Variants in PLCB1 observed in about 807,000 individuals in gnomAD.
The protein encoded by PLCB1 is 1-phosphatidylinositol 4,5-bisphosphate phosphodiesterase beta-1.
PLCB1 carries 46 observed loss-of-function variants against 161.8 expected under a neutral mutation model. The observed-to-expected ratio is 0.28, with a 90% confidence interval of 0.22 to 0.36. The LOEUF (loss-of-function observed/expected upper bound fraction) is 0.36. Ranked by LOEUF, PLCB1 falls within the 10% of genes least tolerant of loss-of-function variation. The probability of loss-of-function intolerance (pLI) is 1.00; values close to 1 mark genes in which losing one functional copy is unlikely to be tolerated. For synonymous variants in PLCB1, 517 were observed against 503.7 expected, an observed-to-expected ratio of 1.03 and a Z score of -0.35; for missense variants, 1,016 against 1,472.5, an observed-to-expected ratio of 0.69 and a Z score of 5.07.
intron 14 of PLCB1, among the ~76,000 whole-genome samples, chr20:8,719,237 G>T (rs941101408): frequency 6.6e-6 from 1 of 152,120 alleles, no homozygotes; most frequent in African/African-American, 2.4e-5. Context: ...CAATCAATTG[G>T]AAAACTACTT....
chr20:8,307,703 C>T (rs990372306), intron 2 of PLCB1, among the ~76,000 whole-genome samples: 2 of 151,978 alleles, frequency 1.3e-5, no homozygotes, highest in Non-Finnish European at 1.5e-5. Context: ...GGTGGATCAC[C>T]TGAGGTCAGG....
At chr20:8,566,155 A>G (rs1986327241) in intron 3 of PLCB1, among the ~76,000 whole-genome samples, 1 of 152,202 alleles carries the variant, frequency 6.6e-6, no homozygotes, top group African/African-American at 2.4e-5. Context: ...GTGCAATTTT[A>G]CAAAGTATAT....
chr20:8,254,739 A>G (rs1297919309), intron 2 of PLCB1, among the ~76,000 whole-genome samples: 2 of 152,030 alleles, frequency 1.3e-5, no homozygotes, highest in East Asian at 1.9e-4. Flanking sequence ...TGCCTCTTCC[A>G]GAAGATCCCT....
intron 2 of PLCB1, among the ~76,000 whole-genome samples, chr20:8,160,515 A>G (rs1443021614): frequency 6.6e-6 from 1 of 152,240 alleles, no homozygotes; most frequent in Non-Finnish European, 1.5e-5. Flanking sequence ...GTGGAAGGTG[A>G]GAGGCACGTC....
At chr20:8,680,501 A>G (rs571053746) in intron 9 of PLCB1, among the ~76,000 whole-genome samples, 5 of 152,330 alleles carry the variant, frequency 3.3e-5, no homozygotes, top group South Asian at 4.1e-4. Flanking sequence ...TAATGTATCA[A>G]AAATCTTCAG....
chr20:8,516,884 T>C (rs1984151564), intron 3 of PLCB1, among the ~76,000 whole-genome samples: 1 of 151,884 alleles, frequency 6.6e-6, no homozygotes, highest in South Asian at 2.1e-4. Flanking sequence ...GCTGTGCAGC[T>C]AAGTACAACA....
intron 2 of PLCB1, among the ~76,000 whole-genome samples, chr20:8,204,139 AG>A (rs1978396744): frequency 6.6e-6 from 1 of 152,170 alleles, no homozygotes; most frequent in Non-Finnish European, 1.5e-5. Context: ...CTGTGGAAAG[AG>A]AGAGCTAAGA....
intron 2 of PLCB1, among the ~76,000 whole-genome samples, chr20:8,351,785 A>G (rs956342758): frequency 2.6e-5 from 4 of 152,082 alleles, no homozygotes; most frequent in African/African-American, 9.7e-5. Context: ...TGAAAACCCC[A>G]ATGAAATATA....
chr20:8,769,425 A>T (rs1203138213), intron 26 of PLCB1, among the ~76,000 whole-genome samples: 1 of 152,102 alleles, frequency 6.6e-6, no homozygotes, highest in Non-Finnish European at 1.5e-5. Context: ...AAGAAGTGAA[A>T]AAAAGCCTTT....
At chr20:8,165,166 A>G (rs1412877741) in intron 2 of PLCB1, among the ~76,000 whole-genome samples, 2 of 152,246 alleles carry the variant, frequency 1.3e-5, no homozygotes, top group African/African-American at 4.8e-5. Context: ...CATCATGAGG[A>G]AAGAACATGT....
intron 31 of PLCB1, among the ~76,000 whole-genome samples, chr20:8,842,716 C>T (rs1404359866): frequency 7.9e-5 from 12 of 152,042 alleles, no homozygotes; most frequent in East Asian, 1.9e-4. Context: ...AGCAAGCAGG[C>T]GGTGCGTGAC....
intron 11 of PLCB1, among the ~76,000 whole-genome samples, chr20:8,704,984 C>T (rs75665269): frequency 8.4e-5 from 10 of 118,786 alleles, no homozygotes; most frequent in East Asian, 2.6e-4. Flanking sequence ...CTCCTTTACT[C>T]TTTTTTTTTT....
chr20:8,494,575 A>G (rs1467619625), intron 3 of PLCB1, among the ~76,000 whole-genome samples: 2 of 152,212 alleles, frequency 1.3e-5, no homozygotes, highest in Non-Finnish European at 2.9e-5. Context: ...TTAGGAAGAG[A>G]GGAGAGAAAA....
At chr20:8,759,720 G>A (rs1252411659) in intron 24 of PLCB1, among the ~76,000 whole-genome samples, 3 of 151,840 alleles carry the variant, frequency 2.0e-5, no homozygotes, top group Non-Finnish European at 4.4e-5. Context: ...GGCTGGTGTC[G>A]AGCTCCTGAC....
At chr20:8,725,152 C>T (rs1979866758) in intron 16 of PLCB1, among the ~76,000 whole-genome samples, 1 of 152,102 alleles carries the variant, frequency 6.6e-6, no homozygotes, top group Admixed American at 6.6e-5. Flanking sequence ...AGAAGGGAAG[C>T]AGGCAGAGAC....
intron 27 of PLCB1, among the ~76,000 whole-genome samples, chr20:8,781,636 A>T (rs1983244143): frequency 6.6e-6 from 1 of 152,132 alleles, no homozygotes; most frequent in South Asian, 2.1e-4. Context: ...CATGGCTGAT[A>T]AAGACATAGC....
intron 3 of PLCB1, among the ~76,000 whole-genome samples, chr20:8,507,812 A>C (rs1343618009): frequency 6.6e-6 from 1 of 152,238 alleles, no homozygotes; most frequent in African/African-American, 2.4e-5. Context: ...TTTTAACAAG[A>C]TAAATATAAT....
intron 2 of PLCB1, among the ~76,000 whole-genome samples, chr20:8,326,354 A>G (rs983838136): frequency 2.6e-5 from 4 of 152,224 alleles, no homozygotes; most frequent in African/African-American, 7.2e-5. Context: ...TCCTGAGTGT[A>G]AGATTGTGGG....
chr20:8,767,614 G>A (rs1025017337), intron 26 of PLCB1, among the ~76,000 whole-genome samples: 10 of 152,032 alleles, frequency 6.6e-5, no homozygotes, highest in African/African-American at 2.2e-4. Context: ...ATTTCAGAGT[G>A]TCACCCGCTC....
Sources: gnomAD v4.1 joint callset for allele counts (sites outside exome capture counted in the v4.1 genomes callset) on GRCh38, gnomAD v4.1.1 for gene constraint, MANE v1.5 for transcripts, NCBI Gene and HGNC (gene_info 2026-07-23, HGNC 2026-07-21) for gene names.